Variants in GALNTL6 observed in about 807,000 individuals in gnomAD.
GALNTL6 encodes polypeptide N-acetylgalactosaminyltransferase like 6, also known as polypeptide N-acetylgalactosaminyltransferase-like 6.
GALNTL6 carries 46 observed loss-of-function variants against 73.7 expected under a neutral mutation model. The observed-to-expected ratio is 0.62, with a 90% confidence interval of 0.49 to 0.80. The LOEUF (loss-of-function observed/expected upper bound fraction) is 0.80, where lower values mean the gene tolerates loss of function less well. Ranked by LOEUF, GALNTL6 falls within the 30% of genes least tolerant of loss-of-function variation. GALNTL6 has a pLI of 0.00. For synonymous variants in GALNTL6, 259 were observed against 263.7 expected (o/e 0.98, Z 0.17); for missense variants, 604 against 755.0 (o/e 0.80, Z 2.34).
chr4:172,729,392 G>C (rs1163664558), intron 5 of GALNTL6, among the ~76,000 whole-genome samples: 1 of 152,042 alleles, frequency 6.6e-6, no homozygotes, highest in Admixed American at 6.6e-5. Flanking sequence ...AATCCATTTT[G>C]ATTTAATTTT....
intron 5 of GALNTL6, among the ~76,000 whole-genome samples, chr4:172,747,887 A>G (rs1435608596): frequency 6.6e-6 from 1 of 151,252 alleles, no homozygotes; most frequent in Non-Finnish European, 1.5e-5. Context: ...TGTGACAACT[A>G]GATGAACCCA....
chr4:172,564,223 C>A (rs565882475), intron 5 of GALNTL6, among the ~76,000 whole-genome samples: 14 of 152,230 alleles, frequency 9.2e-5, no homozygotes, highest in African/African-American at 3.4e-4. Flanking sequence ...AATAAATAAT[C>A]TCATATTCAT....
chr4:172,781,122 C>G (rs866278360), intron 5 of GALNTL6, among the ~76,000 whole-genome samples: 1 of 152,066 alleles, frequency 6.6e-6, no homozygotes, highest in Non-Finnish European at 1.5e-5. Flanking sequence ...ACCAAAAGGC[C>G]GTAAGTTAAG....
intron 2 of GALNTL6, among the ~76,000 whole-genome samples, chr4:172,040,808 T>A (rs1032133153): frequency 3.9e-5 from 6 of 152,094 alleles, no homozygotes; most frequent in Non-Finnish European, 7.4e-5. Flanking sequence ...CACACTTTGA[T>A]CATAATTATT....
At position 172,207,053 on chromosome 4, in the gene GALNTL6, G is replaced by A. The variant is rs181929062; in HGVS notation, c.139-22603G>A. On this transcript the variant is annotated intron_variant, in intron 2 of 12. Coordinates refer to ENST00000506823, the MANE Select transcript of GALNTL6 (RefSeq NM_001034845.3). ...AGGATGATCTCAATCTCCTGACCTCGTGATCCGCCCCCCTTGGCCTCCCAA... is the reference window on the plus strand; with the variant it reads ...AGGATGATCTCAATCTCCTGACCTCATGATCCGCCCCCCTTGGCCTCCCAA... Among the ~76,000 whole-genome samples, 126 of 151,530 alleles carry A rather than the reference G, an allele frequency of 8.3e-4. 2 individuals are homozygous for A. The East Asian group carries it at 0.012, about 14-fold the overall frequency.
At chr4:172,588,636 G>A (rs1304778688) in intron 5 of GALNTL6, among the ~76,000 whole-genome samples, 1 of 152,018 alleles carries the variant, frequency 6.6e-6, no homozygotes, top group African/African-American at 2.4e-5. Flanking sequence ...TCTTGGTTTT[G>A]GACATCTTTG....
intron 3 of GALNTL6, among the ~76,000 whole-genome samples, chr4:172,262,846 T>C (rs1738305231): frequency 6.6e-6 from 1 of 151,640 alleles, no homozygotes; most frequent in Admixed American, 6.6e-5. Context: ...TTTGTTTGTC[T>C]GAAAAAAGTT....
chr4:172,395,555 C>T (rs1187220590), intron 5 of GALNTL6, among the ~76,000 whole-genome samples: 7 of 151,940 alleles, frequency 4.6e-5, no homozygotes, highest in East Asian at 3.9e-4. Context: ...GTATATAACA[C>T]GTTTAGATGT....
intron 5 of GALNTL6, among the ~76,000 whole-genome samples, chr4:172,537,604 T>C (rs1735391200): frequency 6.6e-6 from 1 of 152,212 alleles, no homozygotes; most frequent in South Asian, 2.1e-4. Flanking sequence ...TATAGCAGCA[T>C]GAGAACAGAC....
chr4:172,838,982 GTTTGTTTTA>G lies in GALNTL6; in HGVS notation c.923+25263_923+25271del, dbSNP rs1743060624. 5.3e-5 allele frequency among the ~76,000 whole-genome samples: 8 copies of G among 152,270 alleles called. No individual in the cohort carries two copies. In the South Asian group the frequency reaches 1.7e-3, roughly 32 times the overall value. ...TGGAGGGAAGGTGAACTAATTTAGA[GTTTGTTTTA>G]TTTTACAGACTTTAAAAAGACCAAC... is the stretch of plus-strand genomic sequence containing the variant. On this transcript the variant is annotated intron_variant, in intron 7 of 12. Transcript: ENST00000506823.
intron 2 of GALNTL6, among the ~76,000 whole-genome samples, chr4:172,046,463 T>A (rs1288460948): frequency 6.6e-6 from 1 of 152,128 alleles, no homozygotes; most frequent in Non-Finnish European, 1.5e-5. Flanking sequence ...TCCCGTGAGA[T>A]CTGTACTAGT....
chr4:172,823,547 G>A (rs535120431), intron 7 of GALNTL6, among the ~76,000 whole-genome samples: 4 of 152,184 alleles, frequency 2.6e-5, no homozygotes, highest in African/African-American at 7.2e-5. Flanking sequence ...TTGAAAAAGG[G>A]ATGACAGTTT....
chr4:172,454,912 C>T (rs529280430), intron 5 of GALNTL6, among the ~76,000 whole-genome samples: 1 of 152,046 alleles, frequency 6.6e-6, no homozygotes, highest in African/African-American at 2.4e-5. Context: ...GATTTTTTTT[C>T]AGTGCCTGGC....
intron 2 of GALNTL6, among the ~76,000 whole-genome samples, chr4:172,022,637 T>C (rs2110803791): frequency 6.6e-6 from 1 of 152,120 alleles, no homozygotes; most frequent in East Asian, 1.9e-4. Flanking sequence ...CTATTCACCC[T>C]TAGATCTCAT....
intron 5 of GALNTL6, among the ~76,000 whole-genome samples, chr4:172,665,722 A>G (rs147572754): frequency 9.4e-4 from 143 of 152,372 alleles, no homozygotes; most frequent in African/African-American, 2.9e-3. Flanking sequence ...ATAGAGCACA[A>G]GGAATGGAAT....
At chr4:171,861,030 A>G (rs1008388660) in intron 2 of GALNTL6, among the ~76,000 whole-genome samples, 1 of 152,162 alleles carries the variant, frequency 6.6e-6, no homozygotes, top group Non-Finnish European at 1.5e-5. Context: ...TTTCTCAGCC[A>G]AAGACCCCAT....
At chr4:171,854,973 A>G (rs1301720248) in intron 2 of GALNTL6, among the ~76,000 whole-genome samples, 1 of 152,136 alleles carries the variant, frequency 6.6e-6, no homozygotes, top group African/African-American at 2.4e-5. Flanking sequence ...TCCTGGCTTT[A>G]TTCTGCCCCC....
intron 5 of GALNTL6, among the ~76,000 whole-genome samples, chr4:172,641,270 A>T (rs570690736): frequency 6.6e-6 from 1 of 152,132 alleles, no homozygotes; most frequent in Non-Finnish European, 1.5e-5. Context: ...GACATAAGTC[A>T]GACTATATTA....
chr4:172,849,475 C>A (rs1406689007), intron 7 of GALNTL6, among the ~76,000 whole-genome samples: 1 of 151,964 alleles, frequency 6.6e-6, no homozygotes, highest in Non-Finnish European at 1.5e-5. Flanking sequence ...AATAGGCTCT[C>A]AAAAAATGTT....
Sources: allele counts gnomAD v4.1 joint callset (sites outside exome capture counted in the v4.1 genomes callset), GRCh38; gene constraint gnomAD v4.1.1; transcripts MANE v1.5; gene names NCBI Gene and HGNC (gene_info 2026-07-23, HGNC 2026-07-21).